SLC12A7: variants seen among roughly 807,000 people sequenced by gnomAD.
SLC12A7 encodes the protein solute carrier family 12 member 7.
SLC12A7 carries 100 observed loss-of-function variants against 120.6 expected under a neutral mutation model. The observed-to-expected ratio is 0.83, with a 90% confidence interval of 0.71 to 0.98. The LOEUF is 0.98. Among genes scored for constraint, SLC12A7 ranks in the 50% least tolerant of loss-of-function variants. The probability of loss-of-function intolerance (pLI) is 0.00; values close to 1 mark genes in which losing one functional copy is unlikely to be tolerated. For missense variants in SLC12A7, 1,373 were observed against 1,548.1 expected (o/e 0.89, Z 1.90); for synonymous variants, 760 against 678.0 (o/e 1.12, Z -1.88).
At chr5:1,069,736 T>A (rs1245297305) in intron 17 of SLC12A7, among the ~76,000 whole-genome samples, 1 of 152,158 alleles carries the variant, frequency 6.6e-6, no homozygotes, top group Non-Finnish European at 1.5e-5. Flanking sequence ...TGACGTGACG[T>A]GACGTGATGG....
Position 1,083,746 on chromosome 5 carries a change from C to G in SLC12A7, c.1128G>C (p.Leu376=). The change falls in exon 8 of 24, where the codon CTG becomes CTC. Residue 376 remains leucine (L), a splice_region_variant and synonymous_variant. Transcript: ENST00000264930. ...GIPGAASGVF[L]ENLWSTYAHA... Reference sequence around the variant, plus strand: ...CAGCTGCAGCCCTGTGAGCCTCACCCAGGAAGACACCACTGGCCGCGCCCG... The same window carrying G: ...CAGCTGCAGCCCTGTGAGCCTCACCGAGGAAGACACCACTGGCCGCGCCCG... 1 of 1,612,232 alleles carries G rather than the reference C, an allele frequency of 6.2e-7. No homozygotes were observed.
chr5:1,139,726 C>G, the SLC12A7 span, among the ~76,000 whole-genome samples: 6 of 152,230 alleles, frequency 3.9e-5, no homozygotes, highest in African/African-American at 1.4e-4. Context: ...TTTTGTGACC[C>G]ACGTCCCTCC....
the SLC12A7 span, among the ~76,000 whole-genome samples, chr5:1,130,699 C>T: frequency 1.1e-4 from 17 of 151,958 alleles, no homozygotes; most frequent in East Asian, 1.9e-4. Flanking sequence ...GAGGGAGCAG[C>T]GGGAGCTTCC....
chr5:1,056,447 G>T, intron 22 of SLC12A7: 1 of 258,728 alleles, frequency 3.9e-6, no homozygotes, highest in Non-Finnish European at 6.0e-6. Context: ...GGCTGTACGC[G>T]GACGCACACA....
the SLC12A7 span, among the ~76,000 whole-genome samples, chr5:1,154,559 G>A: frequency 2.6e-5 from 4 of 152,144 alleles, no homozygotes; most frequent in South Asian, 2.1e-4. Flanking sequence ...ACACACAGGC[G>A]TGGACACTCA....
the SLC12A7 span, among the ~76,000 whole-genome samples, chr5:1,120,755 C>T: frequency 6.6e-4 from 100 of 152,180 alleles, no homozygotes; most frequent in Non-Finnish European, 1.2e-3. Flanking sequence ...GGGATGATCT[C>T]GCACGTGGGC....
rs1388951950 is a variant in SLC12A7 at position 1,079,271 on chromosome 5, TG to T, written c.1396+126del. ...CCGTCTCCCAGGGAGGATGACGTGG[TG>T]AGAGCACAGCCTAACCTGGGAAGTC... On this transcript the variant is annotated intron_variant, in intron 10 of 23. Transcript: ENST00000264930. The T allele has an allele frequency of 6.9e-6, 5 of 720,692 alleles. No homozygotes were observed. The Admixed American group carries it at 1.1e-4, about 16-fold the overall frequency. 44.6% of individuals were successfully genotyped at this position (720,692 alleles called of 1,614,324 possible). A position where few individuals can be genotyped will look rare whatever the true frequency, so the allele number is the denominator to read the frequency against.
intron 17 of SLC12A7, among the ~76,000 whole-genome samples, chr5:1,068,935 C>T (rs1246150709): frequency 6.6e-6 from 1 of 152,248 alleles, no homozygotes; most frequent in Non-Finnish European, 1.5e-5. Context: ...TCTTAGAATC[C>T]ACGCCAGCAG....
chr5:1,060,506 T>A, intron 20 of SLC12A7, 55 bp from the exon 21 acceptor site: 1 of 1,370,036 alleles, frequency 7.3e-7, no homozygotes, highest in Non-Finnish European at 1.0e-6. Context: ...CACGGATGGC[T>A]CCAACACCAG....
intron 1 of SLC12A7, among the ~76,000 whole-genome samples, chr5:1,103,923 G>A (rs560438319): frequency 2.0e-5 from 3 of 152,358 alleles, no homozygotes; most frequent in African/African-American, 4.8e-5. Context: ...TGGAGGGGCC[G>A]TGGGGTCCCC....
At chr5:1,086,235 A>G (rs1244736444) in intron 6 of SLC12A7, among the ~76,000 whole-genome samples, 1 of 152,156 alleles carries the variant, frequency 6.6e-6, no homozygotes, top group Non-Finnish European at 1.5e-5. Flanking sequence ...GAGGCCAGGA[A>G]CCAGGTCTGG....
chr5:1,064,754 A>T (rs1297973968), intron 18 of SLC12A7, among the ~76,000 whole-genome samples: 1 of 115,750 alleles, frequency 8.6e-6, no homozygotes, highest in African/African-American at 3.5e-5. Context: ...GACGGCGAGG[A>T]GACGGTGAAG....
At chr5:1,084,020 A>T (rs1465570861) in intron 7 of SLC12A7, 64 bp from the exon 8 acceptor site, 3 of 1,445,412 alleles carry the variant, frequency 2.1e-6, no homozygotes, top group Non-Finnish European at 2.9e-6. Flanking sequence ...TGCCCCACCC[A>T]GCTCCCCCAA....
chr5:1,065,529 C>A (rs1386315031), intron 17 of SLC12A7, 51 bp from the exon 18 acceptor site: 2 of 1,458,392 alleles, frequency 1.4e-6, no homozygotes, highest in African/African-American at 1.4e-5. Context: ...GGTGCACAGA[C>A]CCACGCCCAC....
At chr5:1,115,464 C>T (rs1181482001), upstream of SLC12A7, among the ~76,000 whole-genome samples, 3 of 152,348 alleles carry the variant, frequency 2.0e-5, no homozygotes, top group Non-Finnish European at 2.9e-5. Context: ...GGAGCTTCTC[C>T]CCAGGTCCGC....
At chr5:1,073,576 T>C (rs1737953505) in intron 17 of SLC12A7, 57 bp downstream of exon 17, 1 of 1,539,180 alleles carries the variant, frequency 6.5e-7, no homozygotes, top group Non-Finnish European at 8.8e-7. Flanking sequence ...CCAGGGCACG[T>C]TTCCTGTGCA....
At chr5:1,128,445 C>G in the SLC12A7 span, among the ~76,000 whole-genome samples, 1 of 152,244 alleles carries the variant, frequency 6.6e-6, no homozygotes, top group Non-Finnish European at 1.5e-5. Context: ...CCCAGTGACC[C>G]TGGAGCATGC....
chr5:1,055,947 A>G (rs1735563759), intron 22 of SLC12A7, among the ~76,000 whole-genome samples: 1 of 152,098 alleles, frequency 6.6e-6, no homozygotes, highest in Admixed American at 6.5e-5. Context: ...GGCGTTCCTC[A>G]CTCAGGCACC....
At chr5:1,075,727 G>A (rs765308240) in intron 14 of SLC12A7, among the ~76,000 whole-genome samples, 20 of 152,220 alleles carry the variant, frequency 1.3e-4, no homozygotes, top group East Asian at 3.9e-4. Flanking sequence ...AGCTCCCAGC[G>A]TGCACACAGC....
Sources: gnomAD v4.1 joint callset for allele counts (sites outside exome capture counted in the v4.1 genomes callset) on GRCh38, gnomAD v4.1.1 for gene constraint, MANE v1.5 for transcripts, NCBI Gene and HGNC (gene_info 2026-07-23, HGNC 2026-07-21) for gene names.